ACVR1C: variants seen among roughly 807,000 people sequenced by gnomAD.
The protein encoded by ACVR1C is activin receptor type-1C.
A neutral mutation model predicts 57.9 loss-of-function variants in ACVR1C; 23 were observed. The ratio of observed to expected loss-of-function variants is 0.40; its 90% CI spans 0.29 to 0.56. The LOEUF is 0.56. Ranked by LOEUF, ACVR1C falls within the 20% of genes least tolerant of loss-of-function variation. The pLI is 0.50. For synonymous variants in ACVR1C, 214 were observed against 215.3 expected (o/e 0.99, Z 0.05); for missense variants, 480 against 607.9 (o/e 0.79, Z 2.21).
intron 1 of ACVR1C, among the ~76,000 whole-genome samples, chr2:157,590,206 A>G (rs1689029836): frequency 6.6e-6 from 1 of 151,954 alleles, no homozygotes; most frequent in Non-Finnish European, 1.5e-5. Context: ...TTTTCGTTAA[A>G]TCACAACTGC....
chr2:157,535,265 G>C (rs1687454141), intron 8 of ACVR1C, among the ~76,000 whole-genome samples: 1 of 151,826 alleles, frequency 6.6e-6, no homozygotes, highest in South Asian at 2.1e-4. Flanking sequence ...TTGGCTCTTG[G>C]TGAAGGAAAA....
chr2:157,562,708 T>C (rs1688271787), intron 2 of ACVR1C, among the ~76,000 whole-genome samples: 1 of 152,008 alleles, frequency 6.6e-6, no homozygotes, highest in Non-Finnish European at 1.5e-5. Flanking sequence ...TGAACATCAA[T>C]GCAAAAATCC....
In ACVR1C at chr2:157,530,664, T is replaced by A. The variant is rs1250721834; in HGVS notation, c.*3254A>T. 5 of 152,108 alleles carry A rather than the reference T, an allele frequency of 3.3e-5. No homozygotes were observed. Among genetic ancestry groups the A allele is most frequent in the African/African-American group, 4.8e-5 (2 of 41,438 alleles). The allele number at this position is 152,108 out of a possible 1,614,324, so 9.4% of individuals were successfully genotyped here. On this transcript the variant is annotated 3_prime_UTR_variant, in exon 9 of 9. Coordinates refer to ENST00000243349, the MANE Select transcript of ACVR1C (RefSeq NM_145259.3). ...CTATTTTCATACAATCATGGAAATT[T>A]AAAATGCAAAGTTAATTGAAAGTAT... is the stretch of plus-strand genomic sequence containing the variant.
chr2:157,594,915 T>C (rs1245758180), intron 1 of ACVR1C, among the ~76,000 whole-genome samples: 1 of 152,200 alleles, frequency 6.6e-6, no homozygotes, highest in Non-Finnish European at 1.5e-5. Context: ...TTTGAATACA[T>C]ATGGAAAGGA....
rs772360479 is a variant in ACVR1C, at chr2:157,527,854, A to T, written c.*6064T>A. ...GGCACACAATCCTCTCTTTACAGGC[A>T]AAGTCAGTAATTAGCTCCATGCATA... is the stretch of plus-strand genomic sequence containing the variant. On this transcript the variant is annotated 3_prime_UTR_variant, in exon 9 of 9. Coordinates refer to ENST00000243349, the MANE Select transcript of ACVR1C (RefSeq NM_145259.3). 3 of 152,192 alleles carry T rather than the reference A, an allele frequency of 2.0e-5. No homozygotes were observed. The highest frequency in any genetic ancestry group is 4.4e-5 in the Non-Finnish European group (3 of 68,030). 9.4% of individuals were successfully genotyped at this position (152,192 alleles called of 1,614,324 possible). A position where few individuals can be genotyped will look rare whatever the true frequency, so the allele number is the denominator to read the frequency against.
rs200207885 is a variant in ACVR1C at position 157,548,323 on chromosome 2, G to C, written c.775+1839C>G. On this transcript the variant is annotated intron_variant, in intron 4 of 8. Coordinates refer to ENST00000243349, the MANE Select transcript of ACVR1C (RefSeq NM_145259.3). ...AACATTCCATGCTCATGGGTAGGAA[G>C]AATCAATATCGTGAAAATGGCCATA... is the stretch of plus-strand genomic sequence containing the variant. 1.1e-3 allele frequency among the ~76,000 whole-genome samples: 157 copies of C among 143,818 alleles called. No individual in the cohort carries two copies. The East Asian group carries it at 0.017, about 15-fold the overall frequency. 94.4% of individuals were successfully genotyped at this position (143,818 alleles called of 152,430 possible). A position where few individuals can be genotyped will look rare whatever the true frequency, so the allele number is the denominator to read the frequency against.
At chr2:157,605,830 G>T (rs1280321309) in intron 1 of ACVR1C, among the ~76,000 whole-genome samples, 3 of 151,476 alleles carry the variant, frequency 2.0e-5, no homozygotes, top group African/African-American at 7.3e-5. Context: ...TAGTTACTTT[G>T]AAATATACAA....
intron 2 of ACVR1C, among the ~76,000 whole-genome samples, chr2:157,559,416 G>GA (rs1023222451): frequency 4.3e-4 from 63 of 146,480 alleles, no homozygotes; most frequent in South Asian, 1.1e-3. Flanking sequence ...GGGGATAAAT[G>GA]AAAAAAAAAA....
chr2:157,598,827 C>T (rs1367309870), intron 1 of ACVR1C, among the ~76,000 whole-genome samples: 1 of 152,068 alleles, frequency 6.6e-6, no homozygotes, highest in Non-Finnish European at 1.5e-5. Context: ...GCGTGAGTCA[C>T]CTGCCCAGCT....
At chr2:157,578,510 T>A (rs1007248850) in intron 2 of ACVR1C, among the ~76,000 whole-genome samples, 6 of 152,194 alleles carry the variant, frequency 3.9e-5, no homozygotes, top group Non-Finnish European at 7.3e-5. Flanking sequence ...TTCTTTAGAA[T>A]TAGTCACATA....
At chr2:157,538,053 C>T (rs1403344451) in intron 8 of ACVR1C, among the ~76,000 whole-genome samples, 5 of 152,170 alleles carry the variant, frequency 3.3e-5, no homozygotes, top group Non-Finnish European at 7.3e-5. Context: ...GTGGCAGAGA[C>T]ATTAACTACC....
intron 1 of ACVR1C, among the ~76,000 whole-genome samples, chr2:157,615,204 T>C (rs1266466219): frequency 6.6e-6 from 1 of 151,866 alleles, no homozygotes; most frequent in Non-Finnish European, 1.5e-5. Context: ...CAGTGGTTCA[T>C]GCCTATAATA....
intron 8 of ACVR1C, among the ~76,000 whole-genome samples, chr2:157,534,782 C>T (rs369325684): frequency 2.0e-4 from 31 of 152,234 alleles, no homozygotes; most frequent in East Asian, 1.7e-3. Flanking sequence ...GGGGTATCTG[C>T]TACTCTCATG....
chr2:157,604,736 T>A (rs1682356104), intron 1 of ACVR1C, among the ~76,000 whole-genome samples: 1 of 151,916 alleles, frequency 6.6e-6, no homozygotes, highest in South Asian at 2.1e-4. Flanking sequence ...TGTCCACTTC[T>A]TACTGAGTTG....
intron 2 of ACVR1C, among the ~76,000 whole-genome samples, chr2:157,575,378 C>A (rs538954954): frequency 6.6e-6 from 1 of 152,280 alleles, no homozygotes; most frequent in African/African-American, 2.4e-5. Context: ...GGTGATCCAC[C>A]CACCTTGGCC....
At chr2:157,581,325 A>G (rs948834539) in intron 2 of ACVR1C, among the ~76,000 whole-genome samples, 5 of 152,236 alleles carry the variant, frequency 3.3e-5, no homozygotes, top group African/African-American at 1.2e-4. Context: ...TCAAAGATTC[A>G]AAACTTTGAA....
At position 157,561,872 on chromosome 2, in the gene ACVR1C, T is replaced by C. The variant is rs147720157; in HGVS notation, c.305-5540A>G. On this transcript the variant is annotated intron_variant, in intron 2 of 8. Coordinates refer to ENST00000243349, the MANE Select transcript of ACVR1C (RefSeq NM_145259.3). ...CTCCAAATGGATTGCTTTGTATGCA[T>C]TGACTGAGAAAAACTCTCCAGAGGA... 6.4e-3 allele frequency among the ~76,000 whole-genome samples: 980 copies of C among 152,308 alleles called. 10 individuals are homozygous for C. Among genetic ancestry groups the C allele is most frequent in the African/African-American group, 0.022 (907 of 41,556 alleles).
chr2:157,599,660 T>C (rs1011483369), intron 1 of ACVR1C, among the ~76,000 whole-genome samples: 1 of 152,236 alleles, frequency 6.6e-6, no homozygotes, highest in Admixed American at 6.5e-5. Context: ...ATATTGTTTG[T>C]CAAATCTATG....
At chr2:157,550,691 C>A (rs184857402) in intron 3 of ACVR1C, among the ~76,000 whole-genome samples, 1 of 151,430 alleles carries the variant, frequency 6.6e-6, no homozygotes, top group African/African-American at 2.4e-5. Flanking sequence ...CCTTCATTTG[C>A]CCATCAAAGC....
Sources: allele counts gnomAD v4.1 joint callset (sites outside exome capture counted in the v4.1 genomes callset), GRCh38; gene constraint gnomAD v4.1.1; transcripts MANE v1.5; gene names NCBI Gene and HGNC (gene_info 2026-07-23, HGNC 2026-07-21).